The following PARP9 variants were observed in gnomAD, a reference collection of about 807,000 sequenced individuals.
PARP9 encodes the protein poly(ADP-ribose) polymerase family member 9.
PARP9 carries 48 observed loss-of-function variants against 68.8 expected under a neutral mutation model. The ratio of observed to expected loss-of-function variants is 0.70; its 90% confidence interval spans 0.55 to 0.89. The LOEUF (loss-of-function observed/expected upper bound fraction) is 0.89. PARP9 is among the 40% of genes least tolerant of loss of function. The probability of loss-of-function intolerance (pLI) is 0.00; values close to 1 mark genes in which losing one functional copy is unlikely to be tolerated. For synonymous variants in PARP9, 309 were observed against 333.8 expected (o/e 0.93, Z 0.81); for missense variants, 806 against 969.3 (o/e 0.83, Z 2.24).
At chr3:122,529,232 CT>C (rs200146125) in intron 10 of PARP9, among the ~76,000 whole-genome samples, 13,932 of 92,082 alleles carry the variant, frequency 0.15, 958 homozygotes, top group East Asian at 0.36. Context: ...GAGCGAAACT[CT>C]TAAAAAAAAA....
Position 122,528,286 on chromosome 3 carries a change from T to C in PARP9, c.*78A>G. The C allele has an allele frequency of 6.5e-7, 1 of 1,532,092 alleles. No individual in the cohort carries two copies. Among genetic ancestry groups the C allele is most frequent in the Non-Finnish European group, 8.8e-7 (1 of 1,132,334 alleles). The allele number at this position is 1,532,092 out of a possible 1,614,324, so 94.9% of individuals were successfully genotyped here. A position where few individuals can be genotyped will look rare whatever the true frequency, so the allele number is the denominator to read the frequency against. On this transcript the variant is annotated 3_prime_UTR_variant, in exon 11 of 11. Coordinates refer to ENST00000682323, the MANE Select transcript of PARP9 (RefSeq NM_001146105.2). ...AACCCATGGGATATATTCAAGCCAC[T>C]CTTTGAGCCATCGATGGTCATTATT...
At position 122,564,255 on chromosome 3, in the gene PARP9, G is replaced by A. The variant is rs1211547381; in HGVS notation, c.-100C>T. The A allele has an allele frequency of 1.3e-5, 10 of 768,440 alleles. No homozygotes were observed. The highest frequency in any genetic ancestry group is 1.4e-5 in the Non-Finnish European group (7 of 516,020). 47.6% of individuals were successfully genotyped at this position (768,440 alleles called of 1,614,324 possible). Reference sequence around the variant, plus strand: ...ACCGGACCTACTCACCCGGCAGGCCGCTCTCCTCGGTGCAGACAGCACAGG... The same window carrying A: ...ACCGGACCTACTCACCCGGCAGGCCACTCTCCTCGGTGCAGACAGCACAGG... On this transcript the variant is annotated 5_prime_UTR_variant, in exon 1 of 11. Transcript: ENST00000682323.
intron 9 of PARP9, chr3:122,536,681 AT>A (rs1344793817): frequency 7.4e-6 from 4 of 544,040 alleles, no homozygotes; most frequent in Non-Finnish European, 1.3e-5. Flanking sequence ...CACTTCTTTT[AT>A]TTTGCTCAAA....
rs2079126563 is a variant in PARP9 at position 122,550,634 on chromosome 3, G to C, written c.1276C>G (p.Gln426Glu). ...AAGATCACAAATTTTACAGTTAACT[G>C]GTGTTTTACATGGTCTTTGGCAAAT... Reference protein sequence around the residue: ...LTFAKDHVKHQLTVKFVIFPT... With the variant: ...LTFAKDHVKHELTVKFVIFPT... The change falls in exon 6 of 11, where the codon CAG becomes GAG. Residue 426 changes from glutamine (Q) to glutamate (E), a missense_variant. By Grantham distance (29) the Gln-to-Glu change is conservative. Around this residue, in one of 2 missense-constraint regions of PARP9, gnomAD observed 680 missense variants for 858.8 expected, o/e 0.79. Transcript: ENST00000682323. The C allele has an allele frequency of 1.2e-6, 2 of 1,613,568 alleles. No homozygotes were observed. The highest frequency in any genetic ancestry group is 1.1e-5 in the South Asian group (1 of 91,048).
At chr3:122,564,489 A>G, upstream of PARP9, 2 of 1,612,750 alleles carry the variant, frequency 1.2e-6, no homozygotes, top group Non-Finnish European at 1.7e-6. Context: ...CCGGCCCCCG[A>G]GTACGAAGGA....
intron 1 of PARP9, among the ~76,000 whole-genome samples, chr3:122,562,175 TTTC>T (rs1167919911): frequency 3.7e-5 from 5 of 135,014 alleles, no homozygotes; most frequent in Non-Finnish European, 6.2e-5. Context: ...TTTCTTTTCT[TTTC>T]TTTTCTTTTC....
chr3:122,545,483 T>G lies in PARP9; in HGVS notation c.1333A>C (p.Ser445Arg). 1 of 1,614,204 alleles carries G rather than the reference T, an allele frequency of 6.2e-7. No individual in the cohort carries two copies. The highest frequency in any genetic ancestry group is 8.5e-7 in the Non-Finnish European group (1 of 1,180,022). ...TTGGACCTCTTTGCCATTTCAGAAC[T>G]GAAAGCCTACAAGAAGCAAAACAGA... The part of the protein sequence containing the change: ...PTDLEIYKAF[S>R]SEMAKRSKML... Residue 445 changes from serine (S) to arginine (R), a missense_variant, in exon 7 of 11, where the codon AGT (serine) becomes CGT (arginine). This residue lies in a region of PARP9 where 680 missense variants were observed against 858.8 expected (regional missense o/e 0.79). Transcript: ENST00000682323.
chr3:122,550,546 T>A (rs1311672137), intron 6 of PARP9, 38 bp downstream of exon 6: 1 of 1,485,128 alleles, frequency 6.7e-7, no homozygotes, highest in Non-Finnish European at 9.3e-7. Flanking sequence ...AATGAATGAA[T>A]GAATGAACAG....
chr3:122,564,593 T>C, upstream of PARP9: 1 of 1,597,644 alleles, frequency 6.3e-7, no homozygotes, highest in Non-Finnish European at 8.5e-7. Context: ...ACCTTCCGGG[T>C]GGAGTTCAGT....
chr3:122,555,190 T>C (rs1248381201), intron 4 of PARP9, 96 bp downstream of exon 4: 3 of 1,210,228 alleles, frequency 2.5e-6, no homozygotes, highest in African/African-American at 1.5e-5. Context: ...CCAAACAAGA[T>C]GGTTTCTACA....
At chr3:122,558,278 C>T in intron 3 of PARP9, 156 bp downstream of exon 3, 1 of 1,584,696 alleles carries the variant, frequency 6.3e-7, no homozygotes. Flanking sequence ...CGGTGCCACA[C>T]CAACTCTGAA....
chr3:122,564,342 C>T, upstream of PARP9: 4 of 1,451,462 alleles, frequency 2.8e-6, no homozygotes, highest in Non-Finnish European at 3.7e-6. Context: ...GAAACTGAAA[C>T]TTTGCGCCCA....
Position 122,537,534 on chromosome 3 carries a change from C to T in PARP9, c.1766-461G>A, listed in dbSNP as rs115121414. ...TTATTTGATCATTATAGCACCACCACGTAATAATTAACACAATTTTACAAA... is the reference window on the plus strand; with the variant it reads ...TTATTTGATCATTATAGCACCACCATGTAATAATTAACACAATTTTACAAA... On this transcript the variant is annotated intron_variant, in intron 8 of 10. Coordinates refer to ENST00000682323, the MANE Select transcript of PARP9 (RefSeq NM_001146105.2). 8.9e-3 allele frequency among the ~76,000 whole-genome samples: 1,361 copies of T among 152,224 alleles called. 20 individuals are homozygous for T. Among genetic ancestry groups the T allele is most frequent in the African/African-American group, 0.031 (1,305 of 41,516 alleles).
At chr3:122,556,501 A>G (rs550665626) in intron 3 of PARP9, among the ~76,000 whole-genome samples, 8 of 152,346 alleles carry the variant, frequency 5.3e-5, no homozygotes, top group Admixed American at 1.3e-4. Flanking sequence ...GGGCACAGGT[A>G]TTGGAAGGGA....
At chr3:122,532,525 T>G in intron 10 of PARP9, 1 of 753,400 alleles carries the variant, frequency 1.3e-6, no homozygotes, top group Non-Finnish European at 1.6e-6. Context: ...AGATTCAAAT[T>G]TTCCACATCT....
chr3:122,540,749 G>T lies in PARP9; in HGVS notation c.1488C>A (p.His496Gln). 2 of 1,614,090 alleles carry T rather than the reference G, an allele frequency of 1.2e-6. No homozygotes were observed. Among genetic ancestry groups the T allele is most frequent in the Non-Finnish European group, 1.7e-6 (2 of 1,180,004 alleles). Reference protein sequence around the residue: ...GFNVEEMYEAHAWIQRILSLQ... With the variant: ...GFNVEEMYEAQAWIQRILSLQ... ...GACTCAGGATTCTTTGGATCCATGCGTGGGCCTCATACATCTCTTCCACGT... is the reference window on the plus strand; with the variant it reads ...GACTCAGGATTCTTTGGATCCATGCTTGGGCCTCATACATCTCTTCCACGT... The change falls in exon 8 of 11, where the codon CAC (histidine) becomes CAA (glutamine). Residue 496 changes from histidine (H) to glutamine (Q), a missense_variant. His to Gln is a conservative substitution (Grantham distance 24, BLOSUM62 0). Transcript: ENST00000682323.
intron 1 of PARP9, among the ~76,000 whole-genome samples, chr3:122,560,088 C>G (rs1024918996): frequency 1.3e-5 from 2 of 152,038 alleles, no homozygotes; most frequent in Admixed American, 6.5e-5. Flanking sequence ...TAAAGAAGAC[C>G]GAGCTTATGA....
At chr3:122,555,137 G>A (rs564234624) in intron 4 of PARP9, 149 bp downstream of exon 4, 10 of 792,656 alleles carry the variant, frequency 1.3e-5, no homozygotes, top group African/African-American at 1.2e-4. Flanking sequence ...TCAAGTAGCT[G>A]GGTTACAGGC....
At chr3:122,554,154 G>C (rs755296181) in intron 4 of PARP9, among the ~76,000 whole-genome samples, 3 of 151,952 alleles carry the variant, frequency 2.0e-5, no homozygotes, top group Non-Finnish European at 4.4e-5. Flanking sequence ...CTGTAGTCAA[G>C]CCCATTATTT....
Sources: allele counts gnomAD v4.1 joint callset (sites outside exome capture counted in the v4.1 genomes callset), GRCh38; gene constraint gnomAD v4.1.1; regional missense constraint gnomAD v4.1.1; transcripts MANE v1.5; gene names NCBI Gene and HGNC (gene_info 2026-07-23, HGNC 2026-07-21).